The following NCOA7 variants were observed in gnomAD, a reference collection of about 807,000 sequenced individuals.
NCOA7 encodes 140 kDa estrogen receptor-associated protein.
A neutral mutation model predicts 104.3 loss-of-function variants in NCOA7; 45 were observed. That is an observed-to-expected ratio of 0.43 (90% CI 0.34 to 0.55). NCOA7 has a LOEUF of 0.55. NCOA7 is among the 20% of genes least tolerant of loss of function. NCOA7 has a pLI of 0.02. For missense variants in NCOA7, 1,041 were observed against 1,119.7 expected, an observed-to-expected ratio of 0.93 and a Z score of 1.00; for synonymous variants, 398 against 402.3, an observed-to-expected ratio of 0.99 and a Z score of 0.13.
At chr6:125,857,654 G>C (rs1350674283) in intron 3 of NCOA7, among the ~76,000 whole-genome samples, 2 of 152,056 alleles carry the variant, frequency 1.3e-5, no homozygotes, top group East Asian at 3.9e-4. Context: ...TCTGCCTCTG[G>C]GGTTGAAGCA....
intron 2 of NCOA7, among the ~76,000 whole-genome samples, chr6:125,843,864 CAA>C (rs1780369404): frequency 6.6e-6 from 1 of 152,188 alleles, no homozygotes; most frequent in Non-Finnish European, 1.5e-5. Flanking sequence ...TGTGTACATT[CAA>C]CAAAGGGCTG....
In NCOA7 at chr6:125,915,332, G is replaced by T; in HGVS notation, c.2097-1G>T. On this transcript the variant is annotated splice_acceptor_variant, in intron 10 of 15. Transcript: ENST00000392477. LOFTEE classifies it high-confidence loss of function. ...ACATCTGTCACAAACGTGTTTTTCA[G>T]GGTGGATCATTTGTACACATTCTTT... 1 of 1,613,506 alleles carries T rather than the reference G, an allele frequency of 6.2e-7. No homozygotes were observed. The highest frequency in any genetic ancestry group is 2.2e-5 in the East Asian group (1 of 44,868).
intron 10 of NCOA7, among the ~76,000 whole-genome samples, chr6:125,895,354 G>A (rs1181456897): frequency 6.6e-6 from 1 of 152,154 alleles, no homozygotes; most frequent in Non-Finnish European, 1.5e-5. Flanking sequence ...GAGAGAAGGA[G>A]AAGGAAAGCT....
intron 2 of NCOA7, among the ~76,000 whole-genome samples, chr6:125,833,595 G>A (rs577698971): frequency 6.6e-6 from 1 of 150,810 alleles, no homozygotes; most frequent in Non-Finnish European, 1.5e-5. Flanking sequence ...GGAAAGGGAG[G>A]GGGGGAGGGG....
At chr6:125,850,302 A>G (rs1212492309) in intron 2 of NCOA7, among the ~76,000 whole-genome samples, 1 of 152,226 alleles carries the variant, frequency 6.6e-6, no homozygotes, top group Non-Finnish European at 1.5e-5. Context: ...ACAAAGTCTC[A>G]TGAGTACTTT....
chr6:125,790,350 G>C (rs547065422), upstream of NCOA7, among the ~76,000 whole-genome samples: 1 of 152,354 alleles, frequency 6.6e-6, no homozygotes, highest in South Asian at 2.1e-4. Flanking sequence ...AACTGTAAGG[G>C]GGAAGCGGCC....
At chr6:125,798,274 T>C (rs1009767561) in intron 1 of NCOA7, 3 of 152,250 alleles carry the variant, frequency 2.0e-5, no homozygotes, top group African/African-American at 4.8e-5. Context: ...GAGCCACTTA[T>C]GTGGCTTGGA....
At chr6:125,916,071 C>G (rs1787046598) in intron 11 of NCOA7, among the ~76,000 whole-genome samples, 1 of 152,036 alleles carries the variant, frequency 6.6e-6, no homozygotes, top group Admixed American at 6.6e-5. Flanking sequence ...AATTATAATC[C>G]CCAAATGTCA....
chr6:125,872,540 A>T (rs1783018682), intron 3 of NCOA7, among the ~76,000 whole-genome samples: 1 of 152,250 alleles, frequency 6.6e-6, no homozygotes, highest in Non-Finnish European at 1.5e-5. Flanking sequence ...AATGGAGCTG[A>T]GATATTAAAA....
Position 125,890,682 on chromosome 6 carries a change from C to G in NCOA7, c.1968C>G (p.Pro656=). The G allele has an allele frequency of 1.2e-6, 2 of 1,613,636 alleles. No homozygotes were observed. The highest frequency in any genetic ancestry group is 1.7e-6 in the Non-Finnish European group (2 of 1,179,786). ...AAGAAGAAAAAAGCAAGACCCCACC[C>G]ATGTTCCTGTGCATCAAAGTGGGAA... ...PSKEEKSKTP[P]MFLCIKVGKP... The change falls in exon 10 of 16, where the codon CCC becomes CCG. Residue 656 remains proline (P), a synonymous_variant. Coordinates refer to ENST00000392477, the MANE Select transcript of NCOA7 (RefSeq NM_181782.5).
intron 1 of NCOA7, among the ~76,000 whole-genome samples, chr6:125,804,184 CGGGCCA>C (rs1330451108): frequency 6.6e-6 from 1 of 152,138 alleles, no homozygotes; most frequent in Non-Finnish European, 1.5e-5. Context: ...AAAAATCAAA[CGGGCCA>C]GAGAGTCTAT....
intron 10 of NCOA7, among the ~76,000 whole-genome samples, chr6:125,897,276 C>A (rs1583489734): frequency 6.6e-6 from 1 of 152,156 alleles, no homozygotes; most frequent in African/African-American, 2.4e-5. Context: ...GCTCAAGGCC[C>A]CTTTTTAAGA....
chr6:125,893,007 C>T (rs1784740833), intron 10 of NCOA7, among the ~76,000 whole-genome samples: 1 of 152,160 alleles, frequency 6.6e-6, no homozygotes, highest in Non-Finnish European at 1.5e-5. Flanking sequence ...AATTCTCATC[C>T]AGACCTCCAC....
At chr6:125,899,790 A>T (rs995010828) in intron 10 of NCOA7, 2 of 219,330 alleles carry the variant, frequency 9.1e-6, no homozygotes, top group African/African-American at 4.5e-5. Context: ...CTCTTAGGCA[A>T]CCACCCCCCA....
chr6:125,823,677 T>G (rs1364221109), intron 2 of NCOA7, among the ~76,000 whole-genome samples: 1 of 152,242 alleles, frequency 6.6e-6, no homozygotes, highest in Non-Finnish European at 1.5e-5. Context: ...CTTATAAACA[T>G]TTAGCCATTA....
chr6:125,905,462 A>G (rs376838004), intron 10 of NCOA7, among the ~76,000 whole-genome samples: 2 of 152,182 alleles, frequency 1.3e-5, no homozygotes, highest in South Asian at 4.1e-4. Flanking sequence ...GGGTTTCACC[A>G]TGTTGGCCAG....
intron 10 of NCOA7, among the ~76,000 whole-genome samples, chr6:125,902,584 C>T (rs1240999248): frequency 6.6e-6 from 1 of 151,570 alleles, no homozygotes; most frequent in Admixed American, 6.6e-5. Context: ...TGTAATTTTA[C>T]CTAAAGTCCA....
intron 3 of NCOA7, among the ~76,000 whole-genome samples, chr6:125,863,711 G>T (rs1782228823): frequency 7.2e-6 from 1 of 138,064 alleles, no homozygotes; most frequent in African/African-American, 3.0e-5. Flanking sequence ...CAGTTCTGGA[G>T]GCTGGAAAGT....
chr6:125,806,223 C>T (rs1776435494), intron 1 of NCOA7, among the ~76,000 whole-genome samples: 1 of 152,124 alleles, frequency 6.6e-6, no homozygotes. Context: ...TGCCTATAAT[C>T]CCAGCTACTT....
Sources: gnomAD v4.1 joint callset for allele counts (sites outside exome capture counted in the v4.1 genomes callset) on GRCh38, gnomAD v4.1.1 for gene constraint, MANE v1.5 for transcripts, NCBI Gene and HGNC (gene_info 2026-07-23, HGNC 2026-07-21) for gene names.